RBPJ: variants seen among roughly 807,000 people sequenced by gnomAD.
RBPJ encodes recombining binding protein suppressor of hairless.
Under a neutral mutation model 67.8 loss-of-function variants are expected in RBPJ, and 9 were observed. That is an observed-to-expected ratio of 0.13 (90% confidence interval 0.08 to 0.23). The LOEUF (loss-of-function observed/expected upper bound fraction) is 0.23. RBPJ is among the 10% of genes least tolerant of loss of function. RBPJ has a pLI of 1.00. For synonymous variants in RBPJ, 198 were observed against 203.3 expected, an observed-to-expected ratio of 0.97 and a Z score of 0.22; for missense variants, 305 against 595.6, an observed-to-expected ratio of 0.51 and a Z score of 5.08.
chr4:26,209,130 A>G (rs1262780099), intron 1 of RBPJ, among the ~76,000 whole-genome samples: 1 of 151,320 alleles, frequency 6.6e-6, no homozygotes, highest in Non-Finnish European at 1.5e-5. Flanking sequence ...CATTTACCAT[A>G]GTAAAAATAC....
At chr4:26,212,438 T>C (rs1194103999) in intron 1 of RBPJ, among the ~76,000 whole-genome samples, 108 of 124,560 alleles carry the variant, frequency 8.7e-4, no homozygotes, top group Middle Eastern at 4.2e-3. Flanking sequence ...TTTTCTTTTT[T>C]TTTTTTTTTT....
In RBPJ at chr4:26,187,442, C is replaced by G. The variant is rs1717311592; in HGVS notation, c.-167+23828C>G. Among the ~76,000 whole-genome samples the G allele has an allele frequency of 2.1e-5, 3 of 145,920 alleles. No individual in the cohort carries two copies. In the South Asian group the frequency reaches 6.8e-4, roughly 33 times the overall value. On this transcript the variant is annotated intron_variant, in intron 1 of 4. Coordinates refer to the RBPJ transcript ENST00000512351. Reference sequence around the variant, plus strand: ...ACTTTTTTCCTCTGACTACTAGGCTCTAAATGTAAAAGAAAAACATCTTCT... The same window carrying G: ...ACTTTTTTCCTCTGACTACTAGGCTGTAAATGTAAAAGAAAAACATCTTCT...
upstream of RBPJ, among the ~76,000 whole-genome samples, chr4:26,315,167 AAT>A (rs67496694): frequency 0.011 from 816 of 74,632 alleles, 40 homozygotes; most frequent in African/African-American, 0.021. Context: ...AAAAAAAAAA[AAT>A]ATATATATAT....
At position 26,430,355 on chromosome 4, in the gene RBPJ, A is replaced by G. The variant is rs577879127; in HGVS notation, c.1045-64A>G. Reference sequence around the variant, plus strand: ...ACAAATGAAAGTTGAATGAGAATCTAATTTGTGTACTTTAATGAAAAATGA... The same window carrying G: ...ACAAATGAAAGTTGAATGAGAATCTGATTTGTGTACTTTAATGAAAAATGA... On this transcript the variant is annotated intron_variant, in intron 9 of 10. Transcript: ENST00000355476. This position sits in a 1 kb window ranked among gnomAD's most constrained non-coding sequence, Gnocchi z 4.1. The G allele has an allele frequency of 5.4e-6, 7 of 1,306,794 alleles. No individual in the cohort carries two copies. The East Asian group carries it at 6.9e-5, about 13-fold the overall frequency. The allele number at this position is 1,306,794 out of a possible 1,614,324, so 80.9% of individuals were successfully genotyped here.
chr4:26,375,842 C>T (rs543305997), intron 1 of RBPJ, among the ~76,000 whole-genome samples: 1 of 152,250 alleles, frequency 6.6e-6, no homozygotes, highest in East Asian at 1.9e-4. Context: ...CCTAGGGAGG[C>T]GTGGATTCTA....
upstream of RBPJ, among the ~76,000 whole-genome samples, chr4:26,315,169 T>G (rs6853532): frequency 2.8e-5 from 2 of 71,462 alleles, no homozygotes; most frequent in Non-Finnish European, 4.7e-5. Flanking sequence ...AAAAAAAAAA[T>G]ATATATATAT....
chr4:26,432,501 G>C lies in RBPJ; in HGVS notation c.*1494G>C, dbSNP rs1316821504. On this transcript the variant is annotated 3_prime_UTR_variant, in exon 11 of 11. Coordinates refer to ENST00000355476, the MANE Select transcript of RBPJ (RefSeq NM_015874.6). ...TTTCTTTTCTTTTCAGTTGAGATTT[G>C]GTTGCATTCAGGGTTGTAGGTTGGC... is the stretch of plus-strand genomic sequence containing the variant. 3.3e-5 allele frequency: 5 copies of C among 152,080 alleles called. No individual in the cohort carries two copies. Among genetic ancestry groups the C allele is most frequent in the African/African-American group, 9.7e-5 (4 of 41,392 alleles). 9.4% of individuals were successfully genotyped at this position (152,080 alleles called of 1,614,324 possible).
At chr4:26,274,355 C>T (rs990269112) in intron 1 of RBPJ, among the ~76,000 whole-genome samples, 6 of 152,208 alleles carry the variant, frequency 3.9e-5, no homozygotes, top group Admixed American at 2.0e-4. Flanking sequence ...TGGCCAGACA[C>T]GGTGGCTCAC....
chr4:26,272,765 G>A (rs1242235435), intron 1 of RBPJ: 2 of 446,442 alleles, frequency 4.5e-6, no homozygotes, highest in African/African-American at 2.0e-5. Flanking sequence ...CCATGAGGTA[G>A]GTCTAACACC....
At chr4:26,339,466 T>G (rs1215655014) in intron 1 of RBPJ, among the ~76,000 whole-genome samples, 2 of 151,946 alleles carry the variant, frequency 1.3e-5, no homozygotes, top group Non-Finnish European at 2.9e-5. Flanking sequence ...AAACCCCATC[T>G]CTACTAAAAA....
chr4:26,169,104 T>C (rs1002371919), intron 1 of RBPJ, among the ~76,000 whole-genome samples: 1 of 152,238 alleles, frequency 6.6e-6, no homozygotes. Flanking sequence ...CTTTGTTATG[T>C]TGCTGGTGAG....
chr4:26,424,351 C>T lies in RBPJ; in HGVS notation c.506C>T (p.Ala169Val). Residue 169 changes from alanine (A) to valine (V), a missense_variant, in exon 6 of 11, where the codon GCC (alanine) becomes GTC (valine). By Grantham distance (64) the Ala-to-Val change is moderately conservative (BLOSUM62 0). Coordinates refer to ENST00000355476, the MANE Select transcript of RBPJ (RefSeq NM_015874.6). The surrounding 1 kb of genome is among the most constrained non-coding windows in gnomAD (Gnocchi z 5.3). Reference sequence around the variant, plus strand: ...TGTTTTTTCTTTGCAGTATGCATTGCCTCAGGAACAAAGGTGGCTCTGTTT... The same window carrying T: ...TGTTTTTTCTTTGCAGTATGCATTGTCTCAGGAACAAAGGTGGCTCTGTTT... Reference protein sequence around the residue: ...QSLKNADLCIASGTKVALFNR... With the variant: ...QSLKNADLCIVSGTKVALFNR... 3 of 1,613,406 alleles carry T rather than the reference C, an allele frequency of 1.9e-6. No homozygotes were observed. Among genetic ancestry groups the T allele is most frequent in the Non-Finnish European group, 2.5e-6 (3 of 1,179,788 alleles).
At chr4:26,215,402 G>GAAGGGA (rs779927576) in intron 1 of RBPJ, among the ~76,000 whole-genome samples, 1 of 108,558 alleles carries the variant, frequency 9.2e-6, no homozygotes, top group Admixed American at 9.4e-5. Flanking sequence ...AGGAAGGAAG[G>GAAGGGA]GGGGGGAAGG....
chr4:26,335,235 G>T (rs886879400), intron 1 of RBPJ, among the ~76,000 whole-genome samples: 3 of 152,138 alleles, frequency 2.0e-5, no homozygotes, highest in Non-Finnish European at 4.4e-5. Flanking sequence ...AGGCTGGAGT[G>T]CAGTGGCGTG....
intron 1 of RBPJ, among the ~76,000 whole-genome samples, chr4:26,307,557 C>A (rs1419617622): frequency 6.6e-6 from 1 of 152,132 alleles, no homozygotes; most frequent in Non-Finnish European, 1.5e-5. Context: ...GTAGGTAAAA[C>A]TGCTGATGAA....
intron 1 of RBPJ, among the ~76,000 whole-genome samples, chr4:26,368,459 C>T (rs1157899012): frequency 6.6e-6 from 1 of 152,004 alleles, no homozygotes; most frequent in Non-Finnish European, 1.5e-5. Context: ...TACTGGTTAT[C>T]CTGTTGGAAG....
At chr4:26,110,901 G>A in the RBPJ span, among the ~76,000 whole-genome samples, 1 of 152,154 alleles carries the variant, frequency 6.6e-6, no homozygotes, top group Non-Finnish European at 1.5e-5. This position sits in a 1 kb window ranked among gnomAD's most constrained non-coding sequence, Gnocchi z 4.5. Flanking sequence ...CTTGGTCCTA[G>A]GGGAGCAGAC....
At chr4:26,243,961 C>T (rs1445515118) in intron 1 of RBPJ, among the ~76,000 whole-genome samples, 1 of 151,288 alleles carries the variant, frequency 6.6e-6, no homozygotes, top group African/African-American at 2.4e-5. Flanking sequence ...CGGGTGTGAT[C>T]GTGCTTACCT....
At chr4:26,304,467 A>C (rs1722170518) in intron 1 of RBPJ, among the ~76,000 whole-genome samples, 1 of 152,244 alleles carries the variant, frequency 6.6e-6, no homozygotes, top group African/African-American at 2.4e-5. Context: ...CCATCAATGT[A>C]TGAGGGTTTC....
Sources: gnomAD v4.1 joint callset for allele counts (sites outside exome capture counted in the v4.1 genomes callset) on GRCh38, gnomAD v4.1.1 for gene constraint, Gnocchi (gnomAD v3.1) non-coding constraint, MANE v1.5 for transcripts, NCBI Gene and HGNC (gene_info 2026-07-23, HGNC 2026-07-21) for gene names.